The following PARP8 variants were observed in gnomAD, a reference collection of about 807,000 sequenced individuals.
PARP8 encodes the protein poly(ADP-ribose) polymerase family member 8.
In PARP8, 51 loss-of-function variants were observed where a neutral mutation model predicts 124.1. The ratio of observed to expected loss-of-function variants is 0.41; its 90% CI spans 0.33 to 0.52. PARP8 has a LOEUF of 0.52. Ranked by LOEUF, PARP8 falls within the 20% of genes least tolerant of loss-of-function variation. The pLI is 0.21. For synonymous variants in PARP8, 391 were observed against 361.5 expected, an observed-to-expected ratio of 1.08 and a Z score of -0.93; for missense variants, 860 against 1,018.9, an observed-to-expected ratio of 0.84 and a Z score of 2.12.
rs1253325615 is a variant in PARP8, at chr5:50,842,479, A to G, written c.*411A>G. The G allele has an allele frequency of 1.2e-5, 2 of 167,936 alleles. No homozygotes were observed. Among genetic ancestry groups the G allele is most frequent in the Non-Finnish European group, 2.5e-5 (2 of 78,676 alleles). The allele number at this position is 167,936 out of a possible 1,614,324, so 10.4% of individuals were successfully genotyped here. On this transcript the variant is annotated 3_prime_UTR_variant, in exon 26 of 26. Transcript: ENST00000281631. ...ATCTATCAGATACTTTGCAATAAGTATACTGTTTGCACATTCTGATGTGCT... is the reference window on the plus strand; with the variant it reads ...ATCTATCAGATACTTTGCAATAAGTGTACTGTTTGCACATTCTGATGTGCT...
intron 14 of PARP8, among the ~76,000 whole-genome samples, chr5:50,812,808 A>C (rs1333549457): frequency 6.6e-6 from 1 of 152,164 alleles, no homozygotes; most frequent in Admixed American, 6.5e-5. Flanking sequence ...AGCTTTCTAA[A>C]TATGGCTAGC....
intron 2 of PARP8, among the ~76,000 whole-genome samples, chr5:50,698,410 T>G (rs1487030292): frequency 6.6e-6 from 1 of 152,212 alleles, no homozygotes; most frequent in Non-Finnish European, 1.5e-5. Context: ...ATTGAAATAC[T>G]TAGGAATGAA....
At chr5:50,766,381 TC>T in intron 7 of PARP8, among the ~76,000 whole-genome samples, 1 of 152,182 alleles carries the variant, frequency 6.6e-6, no homozygotes, top group Non-Finnish European at 1.5e-5. Flanking sequence ...TAAATGTACC[TC>T]CCTATATATT....
chr5:50,834,887 C>T, intron 24 of PARP8, 44 bp from the exon 25 acceptor site: 8 of 1,517,328 alleles, frequency 5.3e-6, no homozygotes, highest in Non-Finnish European at 7.3e-6. Context: ...ACTAGGATTC[C>T]TTTAGAATAA....
chr5:50,795,058 A>G lies in PARP8; in HGVS notation c.1069A>G (p.Ile357Val), dbSNP rs1262624378. 2.5e-6 allele frequency: 4 copies of G among 1,614,200 alleles called. No homozygotes were observed. Residue 357 changes from isoleucine to valine, a missense_variant, in exon 12 of 26, where the codon ATT (isoleucine) becomes GTT (valine). Physicochemically the swap from Ile to Val is conservative, Grantham distance 29. This residue lies in a region of PARP8 where 517 missense variants were observed against 544.2 expected (regional missense o/e 0.95). Transcript: ENST00000281631. ...DPRAEQAMTA[I>V]KSHKLLNRPC... ...CAGGGCGGAGCAGGCTATGACAGCA[A>G]TTAAATCGCACAAACTTTTGAACCG...
At chr5:50,761,378 G>T (rs1275703135) in intron 5 of PARP8, among the ~76,000 whole-genome samples, 1 of 151,954 alleles carries the variant, frequency 6.6e-6, no homozygotes, top group Non-Finnish European at 1.5e-5. Flanking sequence ...TTCATAATTT[G>T]ATTATATATT....
At chr5:50,713,010 G>C (rs1312356267) in intron 2 of PARP8, among the ~76,000 whole-genome samples, 1 of 151,898 alleles carries the variant, frequency 6.6e-6, no homozygotes, top group African/African-American at 2.4e-5. Context: ...GCAATTAAAA[G>C]AGTGAGTATA....
chr5:50,678,419 C>T (rs1164225062), intron 2 of PARP8, among the ~76,000 whole-genome samples: 3 of 152,106 alleles, frequency 2.0e-5, no homozygotes, highest in African/African-American at 7.2e-5. Context: ...TAAGCTTTTC[C>T]TTTTAAACAT....
intron 15 of PARP8, among the ~76,000 whole-genome samples, chr5:50,816,693 A>T (rs1283284772): frequency 6.6e-6 from 1 of 152,158 alleles, no homozygotes; most frequent in African/African-American, 2.4e-5. Flanking sequence ...TTTCCAAACT[A>T]TAGCTTCGTA....
At chr5:50,828,154 G>T in intron 20 of PARP8, 98 bp downstream of exon 20, 1 of 1,145,930 alleles carries the variant, frequency 8.7e-7, no homozygotes, top group Non-Finnish European at 1.3e-6. Flanking sequence ...TGATCATTCA[G>T]TAGATGGTCA....
At chr5:50,840,239 A>T (rs1748035727) in intron 25 of PARP8, among the ~76,000 whole-genome samples, 1 of 151,950 alleles carries the variant, frequency 6.6e-6, no homozygotes. Flanking sequence ...TATCTTAATC[A>T]CTTAAAATGC....
At chr5:50,788,807 A>T (rs797016616) in intron 10 of PARP8, among the ~76,000 whole-genome samples, 37 of 152,218 alleles carry the variant, frequency 2.4e-4, no homozygotes, top group African/African-American at 8.2e-4. Flanking sequence ...GCTATCCAAG[A>T]TCCACTCTCT....
intron 3 of PARP8, 23 bp from the exon 4 acceptor site, chr5:50,759,620 A>ATATT: frequency 9.0e-7 from 1 of 1,111,318 alleles, no homozygotes; most frequent in Non-Finnish European, 1.2e-6. Flanking sequence ...GCCTTTCATT[A>ATATT]TCTTTTTTTT....
intron 14 of PARP8, among the ~76,000 whole-genome samples, chr5:50,804,689 G>A (rs571285438): frequency 3.3e-5 from 5 of 152,160 alleles, no homozygotes; most frequent in Non-Finnish European, 7.4e-5. Flanking sequence ...ATTTGTACGC[G>A]TAATGTTAAC....
chr5:50,793,148 A>G (rs1358717524), intron 10 of PARP8, among the ~76,000 whole-genome samples: 1 of 152,336 alleles, frequency 6.6e-6, no homozygotes, highest in East Asian at 1.9e-4. Flanking sequence ...AAAAATGTGC[A>G]TATAACATTT....
chr5:50,667,772 G>A (rs1749509105), intron 1 of PARP8: 1 of 779,388 alleles, frequency 1.3e-6, no homozygotes, highest in Non-Finnish European at 2.2e-6. Flanking sequence ...TGCTCCCCCG[G>A]GATTTTGCTT....
chr5:50,791,032 T>C (rs1424226905), intron 10 of PARP8, among the ~76,000 whole-genome samples: 5 of 152,150 alleles, frequency 3.3e-5, no homozygotes, highest in African/African-American at 9.6e-5. Context: ...AGAAACTAAA[T>C]ATAAAGAGGT....
intron 1 of PARP8, 125 bp downstream of exon 1, chr5:50,667,311 A>T (rs1198030005): frequency 3.0e-6 from 3 of 1,012,744 alleles, no homozygotes; most frequent in Non-Finnish European, 4.5e-6. Flanking sequence ...ATTTGGCAAC[A>T]GCTGCTGCAA....
chr5:50,696,964 G>A (rs1465371801), intron 2 of PARP8, among the ~76,000 whole-genome samples: 6 of 152,118 alleles, frequency 3.9e-5, no homozygotes, highest in African/African-American at 1.4e-4. Flanking sequence ...CACTCAGCTA[G>A]GACATTAAGA....
Sources: gnomAD v4.1 joint callset for allele counts (sites outside exome capture counted in the v4.1 genomes callset) on GRCh38, gnomAD v4.1.1 for gene constraint, gnomAD v4.1.1 regional missense constraint, MANE v1.5 for transcripts, NCBI Gene and HGNC (gene_info 2026-07-23, HGNC 2026-07-21) for gene names.